The following AADACL2 variants were observed in gnomAD, a reference collection of about 807,000 sequenced individuals.
AADACL2 encodes the protein arylacetamide deacetylase-like 2.
AADACL2 carries 23 observed loss-of-function variants against 22.3 expected under a neutral mutation model. The observed-to-expected ratio is 1.03, with a 90% CI of 0.74 to 1.46. The LOEUF (loss-of-function observed/expected upper bound fraction) is 1.46. Ranked by LOEUF, AADACL2 falls within the 40% of genes most tolerant of loss-of-function variation. The pLI is 0.00. For synonymous variants in AADACL2, 177 were observed against 166.2 expected, an observed-to-expected ratio of 1.07 and a Z score of -0.50; for missense variants, 472 against 482.9, an observed-to-expected ratio of 0.98 and a Z score of 0.21.
chr3:151,757,111 G>A lies in AADACL2; in HGVS notation c.723G>A (p.Leu241=), dbSNP rs896654043. 10 of 1,612,692 alleles carry A rather than the reference G, an allele frequency of 6.2e-6. No individual in the cohort carries two copies. The highest frequency in any genetic ancestry group is 6.8e-6 in the Non-Finnish European group (8 of 1,179,536). Residue 241 remains leucine, a synonymous_variant, in exon 5 of 5, where the codon TTG becomes TTA. Coordinates refer to ENST00000356517, the MANE Select transcript of AADACL2 (RefSeq NM_207365.4). ...SHRENEHGIV[L]TRDVAIKLVS... is the part of the protein sequence containing the mutation. ...GAGAAAATGAGCATGGTATAGTTTT[G>A]ACCAGGGATGTAGCCATAAAACTCG...
chr3:151,741,088 G>GT (rs1305579169), intron 2 of AADACL2, among the ~76,000 whole-genome samples: 4 of 152,092 alleles, frequency 2.6e-5, no homozygotes, highest in Admixed American at 6.6e-5. Flanking sequence ...TTTTTGTTTT[G>GT]TTTTTTTATT....
chr3:151,753,623 T>C (rs182937215), intron 4 of AADACL2, among the ~76,000 whole-genome samples: 171 of 152,284 alleles, frequency 1.1e-3, no homozygotes, highest in Non-Finnish European at 1.5e-3. Context: ...TCACAGTTTC[T>C]ATGAAGTTGA....
intron 1 of AADACL2, among the ~76,000 whole-genome samples, chr3:151,737,889 G>T (rs918610537): frequency 6.6e-6 from 1 of 152,044 alleles, no homozygotes; most frequent in Non-Finnish European, 1.5e-5. Flanking sequence ...GCACACTGAT[G>T]AGTCTTGACT....
chr3:151,745,397 T>C, intron 3 of AADACL2, 112 bp from the exon 4 acceptor site: 4 of 1,134,128 alleles, frequency 3.5e-6, no homozygotes, highest in Non-Finnish European at 5.0e-6. Context: ...AACTTAGGCT[T>C]GATTTTTAGA....
rs192029349 is a variant in AADACL2 at position 151,759,325 on chromosome 3, T to A, written c.*1731T>A. The stretch of plus-strand genomic sequence containing the variant: ...CCGTTCTAATTAGGAAAACAAGTCC[T>A]AGAAATCTCTTCATTTTGACAGCAA... On this transcript the variant is annotated 3_prime_UTR_variant, in exon 5 of 5. Transcript: ENST00000356517. 6.6e-6 allele frequency: 1 copy of A among 152,332 alleles called. No homozygotes were observed. The highest frequency in any genetic ancestry group is 2.4e-5 in the African/African-American group (1 of 41,584). The allele number at this position is 152,332 out of a possible 1,614,324, so 9.4% of individuals were successfully genotyped here.
Position 151,740,627 on chromosome 3 carries a change from G to C in AADACL2, c.139-19G>C. 1.4e-6 allele frequency: 2 copies of C among 1,464,410 alleles called. No individual in the cohort carries two copies. Among genetic ancestry groups the C allele is most frequent in the Non-Finnish European group, 1.9e-6 (2 of 1,077,864 alleles). The allele number at this position is 1,464,410 out of a possible 1,614,324, so 90.7% of individuals were successfully genotyped here. On this transcript the variant is annotated intron_variant, in intron 1 of 4. Coordinates refer to ENST00000356517, the MANE Select transcript of AADACL2 (RefSeq NM_207365.4). The stretch of plus-strand genomic sequence containing the variant: ...TTTAAATATCTAAATATTTAATTTT[G>C]TTTGTTTTGTTCTTACAGGCTATGT...
At position 151,740,951 on chromosome 3, in the gene AADACL2, T is replaced by C. The variant is rs972438264; in HGVS notation, c.361+83T>C. The stretch of plus-strand genomic sequence containing the variant: ...TATTTTATATAAATATACACACTTA[T>C]ACTGATACATACATCTATATATATA... On this transcript the variant is annotated intron_variant, in intron 2 of 4. Coordinates refer to ENST00000356517, the MANE Select transcript of AADACL2 (RefSeq NM_207365.4). The C allele has an allele frequency of 2.3e-5, 24 of 1,042,292 alleles. No homozygotes were observed. The African/African-American group carries it at 3.1e-4, about 13-fold the overall frequency. 64.6% of individuals were successfully genotyped at this position (1,042,292 alleles called of 1,614,324 possible).
chr3:151,734,624 C>A (rs1454470896), intron 1 of AADACL2, among the ~76,000 whole-genome samples: 1 of 152,028 alleles, frequency 6.6e-6, no homozygotes, highest in Non-Finnish European at 1.5e-5. Context: ...ATCTTCAATT[C>A]TAAATTGCTG....
At chr3:151,754,880 C>T (rs1041113655) in intron 4 of AADACL2, among the ~76,000 whole-genome samples, 5 of 152,054 alleles carry the variant, frequency 3.3e-5, no homozygotes, top group African/African-American at 1.2e-4. Flanking sequence ...CCCACAAAAT[C>T]AGAAATACAT....
intron 3 of AADACL2, among the ~76,000 whole-genome samples, chr3:151,745,181 C>G (rs932999960): frequency 1.8e-4 from 27 of 152,004 alleles, no homozygotes; most frequent in Non-Finnish European, 7.4e-5. Flanking sequence ...GTTTGGATTA[C>G]AAGTTACATT....
At chr3:151,737,855 T>A (rs2107980515) in intron 1 of AADACL2, among the ~76,000 whole-genome samples, 1 of 152,264 alleles carries the variant, frequency 6.6e-6, no homozygotes, top group Middle Eastern at 3.4e-3. Flanking sequence ...TGTCTTTCAA[T>A]GTGAGATGGG....
Position 151,740,883 on chromosome 3 carries a change from T to C in AADACL2, c.361+15T>C. The stretch of plus-strand genomic sequence containing the variant: ...TGGAAGTTCCAGTAAGTTCATTGTA[T>C]AAGGAAAAAGTGTAGCTAGCTCTAC... On this transcript the variant is annotated intron_variant, in intron 2 of 4. Transcript: ENST00000356517. 1.2e-6 allele frequency: 2 copies of C among 1,610,238 alleles called. No individual in the cohort carries two copies. Among genetic ancestry groups the C allele is most frequent in the Non-Finnish European group, 1.7e-6 (2 of 1,177,034 alleles).
At chr3:151,740,419 C>T (rs1713240629) in intron 1 of AADACL2, among the ~76,000 whole-genome samples, 1 of 152,178 alleles carries the variant, frequency 6.6e-6, no homozygotes, top group Admixed American at 6.5e-5. Context: ...GAGCTGCAGA[C>T]CGGAGCTGTT....
Position 151,745,592 on chromosome 3 carries a change from T to C in AADACL2, c.515T>C (p.Ile172Thr). 6.2e-7 allele frequency: 1 copy of C among 1,613,786 alleles called. No homozygotes were observed. The highest frequency in any genetic ancestry group is 8.5e-7 in the Non-Finnish European group (1 of 1,179,870). Residue 172 changes from isoleucine (I) to threonine (T), a missense_variant, in exon 4 of 5, where the codon ATT becomes ACT. By Grantham distance (89) the Ile-to-Thr change is moderately conservative. Around this residue, in one of 3 missense-constraint regions of AADACL2, gnomAD observed 356 missense variants for 365.5 expected, o/e 0.97. Coordinates refer to ENST00000356517, the MANE Select transcript of AADACL2 (RefSeq NM_207365.4). ...AAVKFFLLEK[I>T]LTKYGVDPTR... is the part of the protein sequence containing the mutation. Reference sequence around the variant, plus strand: ...GTCAAATTTTTTCTTTTGGAAAAAATTCTTACAAAATATGGAGTGGATCCC... The same window carrying C: ...GTCAAATTTTTTCTTTTGGAAAAAACTCTTACAAAATATGGAGTGGATCCC...
At position 151,757,376 on chromosome 3, in the gene AADACL2, T is replaced by G. The variant is rs759520831; in HGVS notation, c.988T>G (p.Leu330Val). 1 of 1,613,746 alleles carries G rather than the reference T, an allele frequency of 6.2e-7. No individual in the cohort carries two copies. Among genetic ancestry groups the G allele is most frequent in the Non-Finnish European group, 8.5e-7 (1 of 1,179,686 alleles). ...GGCCAATGATTCTCAGTTACAGAAT[T>G]TGCCACTAACCTATATTCTTACTTG... ...LLANDSQLQN[L>V]PLTYILTCQH... is the part of the protein sequence containing the mutation. The change falls in exon 5 of 5, where the codon TTG (leucine) becomes GTG (valine). Residue 330 changes from leucine to valine, a missense_variant. This residue lies in a region of AADACL2 where 113 missense variants were observed against 100.9 expected (regional missense o/e 1.12). Coordinates refer to ENST00000356517, the MANE Select transcript of AADACL2 (RefSeq NM_207365.4).
chr3:151,738,654 T>C (rs886708617), intron 1 of AADACL2, among the ~76,000 whole-genome samples: 2 of 152,252 alleles, frequency 1.3e-5, no homozygotes, highest in Non-Finnish European at 2.9e-5. Context: ...TTTGGTCTTT[T>C]CACATAGTTC....
rs373863706 is a variant in AADACL2, at chr3:151,734,076, T to C, written c.41T>C (p.Leu14Pro). ...KALCLGLLCV[L>P]FVSHFYTPMP... is the part of the protein sequence containing the mutation. ...CTCTGTTTGGGGCTGCTTTGTGTTC[T>C]TTTTGTCTCTCATTTTTACACACCC... is the stretch of plus-strand genomic sequence containing the variant. The change falls in exon 1 of 5, where the codon CTT becomes CCT. Residue 14 changes from leucine to proline, a missense_variant. Leu to Pro is a moderately conservative substitution (Grantham distance 98, BLOSUM62 -3). Coordinates refer to ENST00000356517, the MANE Select transcript of AADACL2 (RefSeq NM_207365.4). 5 of 1,613,318 alleles carry C rather than the reference T, an allele frequency of 3.1e-6. No individual in the cohort carries two copies. The highest frequency in any genetic ancestry group is 1.7e-5 in the Admixed American group (1 of 59,850).
At chr3:151,754,184 G>C (rs1173893946) in intron 4 of AADACL2, among the ~76,000 whole-genome samples, 3 of 152,098 alleles carry the variant, frequency 2.0e-5, no homozygotes, top group Non-Finnish European at 4.4e-5. Context: ...GTCCAGGAGG[G>C]ATGTTTGCGA....
chr3:151,734,007 A>G lies in AADACL2; in HGVS notation c.-29A>G, dbSNP rs1185264201. ...GTTTGTGAAAAATTTTAATCTCAGT[A>G]CTGTGAAGAAGCTGGAAAAAGGGAT... On this transcript the variant is annotated 5_prime_UTR_variant, in exon 1 of 5. Transcript: ENST00000356517. 6.3e-7 allele frequency: 1 copy of G among 1,577,004 alleles called. No homozygotes were observed. The highest frequency in any genetic ancestry group is 8.6e-7 in the Non-Finnish European group (1 of 1,160,138).
Sources: gnomAD v4.1 joint callset for allele counts (sites outside exome capture counted in the v4.1 genomes callset) on GRCh38, gnomAD v4.1.1 for gene constraint, gnomAD v4.1.1 regional missense constraint, MANE v1.5 for transcripts, NCBI Gene and HGNC (gene_info 2026-07-23, HGNC 2026-07-21) for gene names.